The following LRMDA variants were observed in gnomAD, a reference collection of about 807,000 sequenced individuals.
LRMDA encodes the protein leucine-rich melanocyte differentiation-associated protein.
Under a neutral mutation model 29.8 loss-of-function variants are expected in LRMDA, and 18 were observed. The observed-to-expected ratio is 0.60, with a 90% confidence interval of 0.42 to 0.90. LRMDA has a LOEUF of 0.90. LRMDA is among the 40% of genes least tolerant of loss of function. The pLI is 0.00. For synonymous variants in LRMDA, 125 were observed against 109.4 expected (o/e 1.14, Z -0.89); for missense variants, 273 against 273.9 (o/e 1.00, Z 0.02).
chr10:76,226,166 C>T (rs544347517), intron 5 of LRMDA, among the ~76,000 whole-genome samples: 1 of 152,190 alleles, frequency 6.6e-6, no homozygotes, highest in South Asian at 2.1e-4. Flanking sequence ...CTCACAGTTC[C>T]AGAAGGCTGG....
intron 6 of LRMDA, among the ~76,000 whole-genome samples, chr10:76,343,204 T>G (rs1841062634): frequency 6.6e-6 from 1 of 152,188 alleles, no homozygotes; most frequent in Non-Finnish European, 1.5e-5. Context: ...TACTTTACTC[T>G]TACAGAAGTA....
At chr10:75,831,779 A>G (rs527691192) in intron 2 of LRMDA, among the ~76,000 whole-genome samples, 1 of 152,320 alleles carries the variant, frequency 6.6e-6, no homozygotes, top group East Asian at 1.9e-4. Flanking sequence ...CCCAAACCTC[A>G]TTTCTTGACT....
intron 2 of LRMDA, among the ~76,000 whole-genome samples, chr10:75,862,495 A>T (rs1844948994): frequency 6.6e-6 from 1 of 152,132 alleles, no homozygotes; most frequent in African/African-American, 2.4e-5. Flanking sequence ...AAGGATGTTT[A>T]TTTCTGCAGC....
intron 6 of LRMDA, among the ~76,000 whole-genome samples, chr10:76,513,389 T>C (rs1007573105): frequency 5.3e-5 from 8 of 152,172 alleles, no homozygotes; most frequent in African/African-American, 1.9e-4. Context: ...TGTTTTAGTT[T>C]CCCCCACCAC....
intron 2 of LRMDA, among the ~76,000 whole-genome samples, chr10:75,561,590 T>C (rs1158210036): frequency 6.6e-6 from 1 of 151,318 alleles, no homozygotes; most frequent in Admixed American, 6.6e-5. Context: ...ATGTGTTTGC[T>C]CTTGCTTTTC....
intron 6 of LRMDA, among the ~76,000 whole-genome samples, chr10:76,427,815 G>A (rs1319180051): frequency 6.6e-6 from 1 of 152,160 alleles, no homozygotes; most frequent in African/African-American, 2.4e-5. Flanking sequence ...TAGTATGAAG[G>A]ACTGTTGAAT....
intron 5 of LRMDA, among the ~76,000 whole-genome samples, chr10:76,145,401 T>G (rs1365387559): frequency 6.6e-6 from 1 of 152,168 alleles, no homozygotes; most frequent in Non-Finnish European, 1.5e-5. Context: ...ATTCAACTTC[T>G]TTCTGGTTTA....
At chr10:75,771,419 G>C (rs1434616129) in intron 2 of LRMDA, among the ~76,000 whole-genome samples, 1 of 152,188 alleles carries the variant, frequency 6.6e-6, no homozygotes, top group Non-Finnish European at 1.5e-5. Context: ...TGAGGCGCGT[G>C]AATCAGAATG....
intron 2 of LRMDA, among the ~76,000 whole-genome samples, chr10:76,001,440 A>G (rs768610812): frequency 5.9e-5 from 9 of 152,302 alleles, no homozygotes; most frequent in Admixed American, 2.6e-4. Context: ...TGAAGTTTCA[A>G]TGTGAAATTT....
chr10:76,094,674 G>T (rs4745811), intron 5 of LRMDA, among the ~76,000 whole-genome samples: 104 of 152,006 alleles, frequency 6.8e-4, no homozygotes, highest in Non-Finnish European at 1.3e-3. Flanking sequence ...TACGAGTAAG[G>T]CTTCAGAAAC....
intron 2 of LRMDA, among the ~76,000 whole-genome samples, chr10:76,017,513 A>T (rs2132487024): frequency 6.6e-6 from 1 of 152,322 alleles, no homozygotes; most frequent in South Asian, 2.1e-4. Context: ...TCTGGCCTGG[A>T]TTTGAGTCTG....
intron 2 of LRMDA, among the ~76,000 whole-genome samples, chr10:75,996,012 C>A (rs766212328): frequency 6.6e-6 from 1 of 152,196 alleles, no homozygotes; most frequent in Non-Finnish European, 1.5e-5. Flanking sequence ...AAAAGCCTAA[C>A]CTCTCCAAAC....
chr10:75,574,427 G>T lies in LRMDA; in HGVS notation c.131+135933G>T, dbSNP rs141918195. ...AAGTTTGAAATCTCTCACTAAAGGG[G>T]TGAGTGATATCCTAATTGCCAAGCC... On this transcript the variant is annotated intron_variant, in intron 2 of 6. Coordinates refer to ENST00000611255, the MANE Select transcript of LRMDA (RefSeq NM_001305581.2). Among the ~76,000 whole-genome samples the T allele has an allele frequency of 3.2e-3, 483 of 152,278 alleles. 4 individuals carry two copies. The Middle Eastern group carries it at 0.054, about 17-fold the overall frequency.
At chr10:76,239,355 C>T (rs925313728) in intron 5 of LRMDA, among the ~76,000 whole-genome samples, 4 of 152,138 alleles carry the variant, frequency 2.6e-5, no homozygotes, top group African/African-American at 9.7e-5. Context: ...GTCATTATCA[C>T]AACTAAAAAA....
intron 2 of LRMDA, among the ~76,000 whole-genome samples, chr10:75,458,551 T>G (rs4612742): frequency 0.25 from 37,465 of 152,114 alleles, 4,931 homozygotes; most frequent in African/African-American, 0.34. Flanking sequence ...GGTATGTCAT[T>G]ATAGTAAGAT....
intron 2 of LRMDA, among the ~76,000 whole-genome samples, chr10:75,540,800 T>C (rs1449815907): frequency 6.6e-6 from 1 of 152,112 alleles, no homozygotes; most frequent in Non-Finnish European, 1.5e-5. Context: ...TTCAGAAGAG[T>C]GCCTGGCATC....
intron 2 of LRMDA, among the ~76,000 whole-genome samples, chr10:76,022,838 A>G (rs1198675949): frequency 1.3e-5 from 2 of 152,182 alleles, no homozygotes; most frequent in Non-Finnish European, 2.9e-5. Flanking sequence ...GTACCTTTCT[A>G]TTCAACCAGG....
chr10:76,017,038 T>G (rs994196300), intron 2 of LRMDA, among the ~76,000 whole-genome samples: 1 of 152,216 alleles, frequency 6.6e-6, no homozygotes, highest in Non-Finnish European at 1.5e-5. Flanking sequence ...AAGGTGACCT[T>G]ACATGGAAAT....
intron 5 of LRMDA, among the ~76,000 whole-genome samples, chr10:76,171,588 C>T (rs1850839019): frequency 6.6e-6 from 1 of 152,172 alleles, no homozygotes; most frequent in Non-Finnish European, 1.5e-5. Flanking sequence ...TAGTTGCATA[C>T]TGGTCAGTAA....
Sources: gnomAD v4.1 joint callset for allele counts (sites outside exome capture counted in the v4.1 genomes callset) on GRCh38, gnomAD v4.1.1 for gene constraint, MANE v1.5 for transcripts, NCBI Gene and HGNC (gene_info 2026-07-23, HGNC 2026-07-21) for gene names.